STAB2: variants seen among roughly 807,000 people sequenced by gnomAD.
STAB2 encodes the protein stabilin-2.
In STAB2, 288 loss-of-function variants were observed where a neutral mutation model predicts 338.1. That is an observed-to-expected ratio of 0.85 (90% confidence interval 0.77 to 0.94). The LOEUF (loss-of-function observed/expected upper bound fraction) is 0.94, where lower values mean the gene tolerates loss of function less well. Ranked by LOEUF, STAB2 falls within the 40% of genes least tolerant of loss-of-function variation. STAB2 has a pLI of 0.00. For missense variants in STAB2, 3,141 were observed against 3,210.1 expected, an observed-to-expected ratio of 0.98 and a Z score of 0.52; for synonymous variants, 1,202 against 1,193.3, an observed-to-expected ratio of 1.01 and a Z score of -0.15.
At chr12:103,750,441 T>C in intron 59 of STAB2, 138 bp from the exon 60 acceptor site, 3 of 1,028,074 alleles carry the variant, frequency 2.9e-6, no homozygotes, top group Middle Eastern at 4.4e-4. Context: ...GTAGCAGTTA[T>C]TCCCACTGGA....
At chr12:103,761,453 G>C (rs1200171010) in intron 66 of STAB2, 43 bp downstream of exon 66, 1 of 1,557,024 alleles carries the variant, frequency 6.4e-7, no homozygotes, top group Non-Finnish European at 8.8e-7. Flanking sequence ...GAGGAGCCCC[G>C]GTGCCCACTC....
At chr12:103,676,247 C>G (rs866292251) in intron 24 of STAB2, among the ~76,000 whole-genome samples, 4 of 152,002 alleles carry the variant, frequency 2.6e-5, no homozygotes, top group East Asian at 3.9e-4. Context: ...TTTTAGTAGA[C>G]AGGGTTTCAC....
rs767972277 is a variant in STAB2, at chr12:103,726,075, A to C, written c.4804-41A>C. ...TGACAACCCTGTATTGTTCTAATAT[A>C]TATTTCACAGGCATTAAGTGAAACT... On this transcript the variant is annotated intron_variant, in intron 45 of 68. Coordinates refer to ENST00000388887, the MANE Select transcript of STAB2 (RefSeq NM_017564.10). The C allele has an allele frequency of 3.5e-5, 57 of 1,609,996 alleles. No homozygotes were observed. In the South Asian group the frequency reaches 5.6e-4, roughly 16 times the overall value.
At position 103,750,624 on chromosome 12, in the gene STAB2, C is replaced by T. The variant is rs1011457540; in HGVS notation, c.6484C>T (p.Leu2162=). The change falls in exon 60 of 69, where the codon CTG becomes TTG. Residue 2162 remains leucine, a synonymous_variant. Coordinates refer to ENST00000388887, the MANE Select transcript of STAB2 (RefSeq NM_017564.10). The stretch of plus-strand genomic sequence containing the variant: ...TAAAAGTCACTATGTCGGAGATGGG[C>T]TGAACTGTGAGCCGGAGCAGCTGCC... ...ECKSHYVGDG[L]NCEPEQLPID... The T allele has an allele frequency of 6.2e-7, 1 of 1,614,238 alleles. No homozygotes were observed. The highest frequency in any genetic ancestry group is 1.3e-5 in the African/African-American group (1 of 75,080).
chr12:103,707,702 G>A (rs753159378), intron 38 of STAB2, among the ~76,000 whole-genome samples: 29 of 152,172 alleles, frequency 1.9e-4, no homozygotes, highest in Admixed American at 1.2e-3. Context: ...TCCTAACAAA[G>A]CATTATTCTA....
At chr12:103,668,604 A>G (rs752265044) in intron 19 of STAB2, 39 bp from the exon 20 acceptor site, 2 of 1,541,030 alleles carry the variant, frequency 1.3e-6, no homozygotes, top group African/African-American at 1.4e-5. Context: ...GGACCTAAAC[A>G]TGCTGACTGC....
At chr12:103,713,454 T>C (rs1370084719) in intron 41 of STAB2, among the ~76,000 whole-genome samples, 189 bp from the exon 42 acceptor site, 2 of 152,222 alleles carry the variant, frequency 1.3e-5, no homozygotes, top group Non-Finnish European at 2.9e-5. Context: ...AGAATGCTAA[T>C]AAAAGCAGCT....
Position 103,755,614 on chromosome 12 carries a change from G to T in STAB2, c.6883G>T (p.Val2295Leu), listed in dbSNP as rs1301852161. The T allele has an allele frequency of 2.5e-6, 4 of 1,614,120 alleles. No homozygotes were observed. The Admixed American group carries it at 6.7e-5, about 27-fold the overall frequency. Reference sequence around the variant, plus strand: ...CCCTGTGTGCCTCTGCCCTCCAGATGTGAACTGCACCTGCAAGGTGGGCTA... The same window carrying T: ...CCCTGTGTGCCTCTGCCCTCCAGATTTGAACTGCACCTGCAAGGTGGGCTA... ...WDVFCYRMKD[V>L]NCTCKVGYVG... is the part of the protein sequence containing the mutation. The change falls in exon 63 of 69, where the codon GTG becomes TTG. Residue 2295 changes from valine (V) to leucine (L), a missense_variant and splice_region_variant. By Grantham distance (32) the Val-to-Leu change is conservative. Coordinates refer to ENST00000388887, the MANE Select transcript of STAB2 (RefSeq NM_017564.10).
intron 3 of STAB2, among the ~76,000 whole-genome samples, chr12:103,609,687 C>T (rs946269587): frequency 6.6e-6 from 1 of 152,124 alleles, no homozygotes; most frequent in African/African-American, 2.4e-5. Flanking sequence ...ATTTCCTTCT[C>T]CTGCCTGATT....
At position 103,649,930 on chromosome 12, in the gene STAB2, C is replaced by T. The variant is rs149779000; in HGVS notation, c.1175-566C>T. Among the ~76,000 whole-genome samples, 126 of 152,300 alleles carry T rather than the reference C, an allele frequency of 8.3e-4. 3 individuals are homozygous for T. In the East Asian group the frequency reaches 0.016, roughly 20 times the overall value. On this transcript the variant is annotated intron_variant, in intron 10 of 68. Transcript: ENST00000388887. The stretch of plus-strand genomic sequence containing the variant: ...CCATGACAAAGTCCTTATACACTGC[C>T]TCTGGGTGTGAGAACACAGAGCCTG...
chr12:103,733,264 G>C, intron 51 of STAB2, 82 bp downstream of exon 51: 1 of 1,516,698 alleles, frequency 6.6e-7, no homozygotes, highest in Non-Finnish European at 9.0e-7. Context: ...TGTGGCCTAG[G>C]AACTGTCAGT....
intron 55 of STAB2, 149 bp downstream of exon 55, chr12:103,740,905 TA>T: frequency 8.5e-7 from 1 of 1,174,434 alleles, no homozygotes; most frequent in East Asian, 2.9e-5. Context: ...AAGAGTTGTG[TA>T]TCATTCCTTC....
At chr12:103,599,738 C>A (rs1956927556) in intron 3 of STAB2, among the ~76,000 whole-genome samples, 1 of 152,166 alleles carries the variant, frequency 6.6e-6, no homozygotes, top group Non-Finnish European at 1.5e-5. Context: ...GCTAACACAC[C>A]CACCTTCCAA....
At chr12:103,607,540 C>T (rs1159731935) in intron 3 of STAB2, among the ~76,000 whole-genome samples, 3 of 151,986 alleles carry the variant, frequency 2.0e-5, no homozygotes, top group Non-Finnish European at 4.4e-5. Flanking sequence ...TCCCTCCTCC[C>T]CCCACCCCAC....
chr12:103,588,111 G>A lies in STAB2; in HGVS notation c.81+554G>A, dbSNP rs189860091. Among the ~76,000 whole-genome samples the A allele has an allele frequency of 5.0e-3, 757 of 152,268 alleles. 26 individuals carry two copies. The highest frequency in any genetic ancestry group is 0.045 in the Admixed American group (695 of 15,302). On this transcript the variant is annotated intron_variant, in intron 1 of 68. Transcript: ENST00000388887. The stretch of plus-strand genomic sequence containing the variant: ...CACCGAACCCTCAAGCAAGCTCACC[G>A]AGGTGTCATCACAGAGTGAGGCCAG...
At chr12:103,715,932 A>C in intron 43 of STAB2, 44 bp downstream of exon 43, 1 of 1,604,862 alleles carries the variant, frequency 6.2e-7, no homozygotes, top group Admixed American at 1.7e-5. Flanking sequence ...CTAAAAGGGA[A>C]CTCCTAGGTC....
Position 103,695,845 on chromosome 12 carries a change from G to T in STAB2, c.3582+1G>T. 6.2e-7 allele frequency: 1 copy of T among 1,613,444 alleles called. No homozygotes were observed. The highest frequency in any genetic ancestry group is 8.5e-7 in the Non-Finnish European group (1 of 1,179,392). ...CAGGGAGAAGAAAGTCTTGTCTCTA[G>T]TAAGTGTCAAGAACTATAACTAGGG... On this transcript the variant is annotated splice_donor_variant, in intron 33 of 68. Coordinates refer to ENST00000388887, the MANE Select transcript of STAB2 (RefSeq NM_017564.10). LOFTEE classifies it high-confidence loss of function.
At chr12:103,742,124 CAG>C (rs1367841665) in intron 55 of STAB2, among the ~76,000 whole-genome samples, 2 of 152,122 alleles carry the variant, frequency 1.3e-5, no homozygotes, top group Non-Finnish European at 2.9e-5. Context: ...AACAAAAGCT[CAG>C]AGCAAGTTCA....
intron 60 of STAB2, 81 bp from the exon 61 acceptor site, chr12:103,753,139 G>A: frequency 6.4e-7 from 1 of 1,556,148 alleles, no homozygotes; most frequent in Admixed American, 1.8e-5. Flanking sequence ...CCTTCATTTT[G>A]AAAGTCCTTC....
Sources: allele counts gnomAD v4.1 joint callset (sites outside exome capture counted in the v4.1 genomes callset), GRCh38; gene constraint gnomAD v4.1.1; transcripts MANE v1.5; gene names NCBI Gene and HGNC (gene_info 2026-07-23, HGNC 2026-07-21).